Variants in ACACA observed in about 807,000 individuals in gnomAD.
ACACA encodes the protein acetyl-CoA carboxylase alpha.
In ACACA, 103 loss-of-function variants were observed where a neutral mutation model predicts 296.1. The observed-to-expected ratio is 0.35, with a 90% confidence interval of 0.30 to 0.41. ACACA has a LOEUF of 0.41. Among genes scored for constraint, ACACA ranks in the 10% least tolerant of loss-of-function variants. The pLI, the probability that ACACA is intolerant of heterozygous loss-of-function variation, is 1.00. For missense variants in ACACA, 1,554 were observed against 2,989.7 expected, an observed-to-expected ratio of 0.52 and a Z score of 11.20; for synonymous variants, 953 against 1,038.6, an observed-to-expected ratio of 0.92 and a Z score of 1.58.
intron 1 of ACACA, among the ~76,000 whole-genome samples, chr17:37,352,424 G>A (rs1316670850): frequency 6.6e-6 from 1 of 152,094 alleles, no homozygotes; most frequent in Non-Finnish European, 1.5e-5. Context: ...GAAAACCAGA[G>A]TCTCAAGGAA....
intron 39 of ACACA, among the ~76,000 whole-genome samples, chr17:37,185,694 G>C (rs2077506009): frequency 1.3e-5 from 2 of 151,838 alleles, no homozygotes. Context: ...TCAGCCTCCT[G>C]AGTAGCTGGG....
chr17:37,245,234 A>G lies in ACACA; in HGVS notation c.2461-20T>C. On this transcript the variant is annotated intron_variant, in intron 19 of 55. Transcript: ENST00000616317. The stretch of plus-strand genomic sequence containing the variant: ...CATTACCTATAGTGAAAAATAAACT[A>G]GACTCAGATTTATCTCTCTTTACAC... 6.2e-7 allele frequency: 1 copy of G among 1,612,388 alleles called. No homozygotes were observed. The highest frequency in any genetic ancestry group is 8.5e-7 in the Non-Finnish European group (1 of 1,178,984).
chr17:37,095,002 A>T (rs775464317), intron 54 of ACACA, among the ~76,000 whole-genome samples: 3 of 152,244 alleles, frequency 2.0e-5, no homozygotes, highest in Non-Finnish European at 2.9e-5. Flanking sequence ...AAGAGACGGC[A>T]GTGACCTATT....
At chr17:37,260,462 T>G (rs1054259735) in intron 11 of ACACA, among the ~76,000 whole-genome samples, 5 of 150,084 alleles carry the variant, frequency 3.3e-5, no homozygotes, top group African/African-American at 1.2e-4. Context: ...TGCCACCATG[T>G]CAGGCTAATT....
chr17:37,273,850 G>A (rs569778405), intron 9 of ACACA, among the ~76,000 whole-genome samples: 3 of 152,098 alleles, frequency 2.0e-5, no homozygotes, highest in Admixed American at 6.5e-5. Context: ...TGTTGTCCCC[G>A]CCCTCACACA....
chr17:37,296,451 G>A (rs928461780), intron 3 of ACACA, among the ~76,000 whole-genome samples: 2 of 151,528 alleles, frequency 1.3e-5, no homozygotes, highest in African/African-American at 2.4e-5. Flanking sequence ...GACTAGAGGC[G>A]CCCGCCACCA....
chr17:37,222,449 A>G (rs2079341486), intron 28 of ACACA, among the ~76,000 whole-genome samples: 1 of 152,200 alleles, frequency 6.6e-6, no homozygotes, highest in South Asian at 2.1e-4. Context: ...GAGTTAAAGG[A>G]ACAGCAATGA....
chr17:37,339,016 GGGGAGGGAAGGGAAAGT>G (rs1436149422), intron 2 of ACACA, among the ~76,000 whole-genome samples: 211 of 152,028 alleles, frequency 1.4e-3, no homozygotes, highest in African/African-American at 4.9e-3. Context: ...AGAAAGAAAG[GGGGAGGGAAGGGAAAGT>G]TCCAACAGAC....
intron 1 of ACACA, chr17:37,379,509 T>G (rs944031317): frequency 1.6e-6 from 2 of 1,266,802 alleles, no homozygotes; most frequent in South Asian, 1.5e-5. Flanking sequence ...GGGTTGTTTG[T>G]TTTTTTTCTT....
chr17:37,362,773 A>T (rs909587729), intron 1 of ACACA, among the ~76,000 whole-genome samples: 1 of 152,112 alleles, frequency 6.6e-6, no homozygotes, highest in Admixed American at 6.6e-5. Flanking sequence ...CAGGATATCG[A>T]GACCATCCTG....
chr17:37,299,042 T>C (rs2083488190), intron 3 of ACACA, among the ~76,000 whole-genome samples: 1 of 152,184 alleles, frequency 6.6e-6, no homozygotes, highest in African/African-American at 2.4e-5. Flanking sequence ...GTTTTCAACG[T>C]AGCTAAAATA....
chr17:37,188,099 G>A (rs1444101527), intron 39 of ACACA, among the ~76,000 whole-genome samples, 178 bp downstream of exon 39: 4 of 152,152 alleles, frequency 2.6e-5, no homozygotes, highest in African/African-American at 9.7e-5. Flanking sequence ...AGAGAACATA[G>A]GCAAATCTTA....
In ACACA at chr17:37,162,064, A is replaced by G. The variant is rs1421880595; in HGVS notation, c.5080-14T>C. The stretch of plus-strand genomic sequence containing the variant: ...TACCATGCCAATCTGGAAAGGCATA[A>G]ACAAACAAATGAACAGAAGTTTCTT... On this transcript the variant is annotated splice_polypyrimidine_tract_variant and intron_variant, in intron 41 of 55. Coordinates refer to ENST00000616317, the MANE Select transcript of ACACA (RefSeq NM_198834.3). 2 of 1,614,022 alleles carry G rather than the reference A, an allele frequency of 1.2e-6. No individual in the cohort carries two copies. The highest frequency in any genetic ancestry group is 1.3e-5 in the African/African-American group (1 of 74,932).
chr17:37,185,999 T>C (rs73287971), intron 39 of ACACA, among the ~76,000 whole-genome samples: 3,768 of 152,312 alleles, frequency 0.025, 157 homozygotes, highest in African/African-American at 0.086. Context: ...ACAAAGACTG[T>C]ACAAGGAAAA....
intron 27 of ACACA, 76 bp downstream of exon 27, chr17:37,224,916 A>T: frequency 1.6e-6 from 1 of 617,162 alleles, no homozygotes. Flanking sequence ...TAATTACTTA[A>T]ACTATGCTTG....
chr17:37,303,087 G>A (rs921406772), intron 3 of ACACA, among the ~76,000 whole-genome samples: 10 of 152,096 alleles, frequency 6.6e-5, no homozygotes, highest in African/African-American at 2.2e-4. Context: ...CGTGCACCAC[G>A]CATGGCAATT....
chr17:37,244,946 T>C, intron 20 of ACACA, 134 bp downstream of exon 20: 3 of 1,404,662 alleles, frequency 2.1e-6, no homozygotes, highest in Non-Finnish European at 3.0e-6. Context: ...CAGGCACAAA[T>C]ACAAGGCATA....
Position 37,173,640 on chromosome 17 carries a change from T to C in ACACA, c.5079+5620A>G, listed in dbSNP as rs548186138. ...AAATAAAAAAATTAATGAGATGCTA[T>C]ACTTTGGGAGACATAGGATATCAGT... On this transcript the variant is annotated intron_variant, in intron 41 of 55. Coordinates refer to ENST00000616317, the MANE Select transcript of ACACA (RefSeq NM_198834.3). Among the ~76,000 whole-genome samples, 9 of 152,178 alleles carry C rather than the reference T, an allele frequency of 5.9e-5. 1 individual carries two copies. In the South Asian group the frequency reaches 1.9e-3, roughly 32 times the overall value.
chr17:37,119,004 C>T (rs1454434028), intron 50 of ACACA, among the ~76,000 whole-genome samples: 1 of 152,158 alleles, frequency 6.6e-6, no homozygotes, highest in Non-Finnish European at 1.5e-5. Context: ...TCCAGGGTGA[C>T]ACTCTGAAGT....
Sources: gnomAD v4.1 joint callset for allele counts (sites outside exome capture counted in the v4.1 genomes callset) on GRCh38, gnomAD v4.1.1 for gene constraint, MANE v1.5 for transcripts, NCBI Gene and HGNC (gene_info 2026-07-23, HGNC 2026-07-21) for gene names.